The following NBAS variants were observed in gnomAD, a reference collection of about 807,000 sequenced individuals.
NBAS encodes NAG/BC035112 fusion.
In NBAS, 219 loss-of-function variants were observed where a neutral mutation model predicts 302.5. The ratio of observed to expected loss-of-function variants is 0.72; its 90% CI spans 0.65 to 0.81. The LOEUF (loss-of-function observed/expected upper bound fraction) is 0.81. NBAS is among the 30% of genes least tolerant of loss of function. NBAS has a pLI of 0.00. For missense variants in NBAS, 2,932 were observed against 2,841.6 expected, an observed-to-expected ratio of 1.03 and a Z score of -0.72; for synonymous variants, 1,118 against 1,021.6, an observed-to-expected ratio of 1.09 and a Z score of -1.80.
the NBAS span, among the ~76,000 whole-genome samples, chr2:14,991,767 C>A: frequency 6.6e-6 from 1 of 152,218 alleles, no homozygotes; most frequent in Admixed American, 6.5e-5. Context: ...GTATGAGAAT[C>A]TTCAGTTTAA....
chr2:14,869,865 A>G, the NBAS span, among the ~76,000 whole-genome samples: 1 of 152,216 alleles, frequency 6.6e-6, no homozygotes, highest in Admixed American at 6.5e-5. Flanking sequence ...AGGGTCAGTC[A>G]TCACAGCCAG....
At chr2:14,890,502 G>T in the NBAS span, 1 of 152,092 alleles carries the variant, frequency 6.6e-6, no homozygotes, top group Non-Finnish European at 1.5e-5. Flanking sequence ...AAATTATTTT[G>T]CAGAAAGTTG....
the NBAS span, among the ~76,000 whole-genome samples, chr2:14,955,021 G>A: frequency 2.0e-5 from 3 of 152,250 alleles, no homozygotes; most frequent in African/African-American, 4.8e-5. Context: ...CAGAGACAAG[G>A]AGAGTCCCTT....
chr2:14,961,297 A>G, the NBAS span, among the ~76,000 whole-genome samples: 1 of 152,142 alleles, frequency 6.6e-6, no homozygotes, highest in African/African-American at 2.4e-5. Flanking sequence ...TTAAAATTTA[A>G]CCTGCAATAT....
At position 15,234,652 on chromosome 2, in the gene NBAS, C is replaced by G. The variant is rs767259176; in HGVS notation, c.6039G>C (p.Gln2013His). 1.9e-6 allele frequency: 3 copies of G among 1,614,042 alleles called. No individual in the cohort carries two copies. In the Admixed American group the frequency reaches 5.0e-5, roughly 27 times the overall value. The change falls in exon 46 of 52, where the codon CAG becomes CAC. Residue 2013 changes from glutamine to histidine, a missense_variant. Gln to His is a conservative substitution (Grantham distance 24, BLOSUM62 0). Transcript: ENST00000281513. ...GCAGCTGCTGAATCATTGCTAGAGG[C>G]TGACCATCTAAACAAATAGCCACAG... Reference protein sequence around the residue: ...DEAVAICLDGQPLAMIQQLLE... With the variant: ...DEAVAICLDGHPLAMIQQLLE...
At chr2:15,494,934 T>A (rs1681009942) in intron 11 of NBAS, among the ~76,000 whole-genome samples, 1 of 152,168 alleles carries the variant, frequency 6.6e-6, no homozygotes, top group Non-Finnish European at 1.5e-5. Flanking sequence ...CAGACACTCA[T>A]GTGGCATGCT....
chr2:14,997,585 G>C, the NBAS span, among the ~76,000 whole-genome samples: 2 of 151,840 alleles, frequency 1.3e-5, no homozygotes, highest in African/African-American at 4.8e-5. Flanking sequence ...AATCAAGTTT[G>C]TTAACATAGC....
chr2:15,350,256 G>A (rs1242487353), intron 35 of NBAS, among the ~76,000 whole-genome samples: 1 of 151,964 alleles, frequency 6.6e-6, no homozygotes, highest in Admixed American at 6.6e-5. Context: ...AAATACTAAT[G>A]ACTTTGTCAA....
intron 9 of NBAS, among the ~76,000 whole-genome samples, chr2:15,516,775 C>A: frequency 6.7e-6 from 1 of 149,136 alleles, no homozygotes; most frequent in African/African-American, 2.5e-5. Context: ...ACACACAGAA[C>A]TAACAAAGTA....
the NBAS span, among the ~76,000 whole-genome samples, chr2:14,817,699 T>C: frequency 6.6e-6 from 1 of 152,214 alleles, no homozygotes. Flanking sequence ...TTGTGTTAAA[T>C]TTATTCTCCT....
chr2:15,530,490 T>C (rs969002323), intron 9 of NBAS, among the ~76,000 whole-genome samples: 6 of 152,130 alleles, frequency 3.9e-5, no homozygotes, highest in Non-Finnish European at 7.4e-5. Context: ...TAAAATCATA[T>C]GTATCAATAA....
At chr2:15,496,584 G>T (rs1255810578) in intron 11 of NBAS, among the ~76,000 whole-genome samples, 1 of 151,998 alleles carries the variant, frequency 6.6e-6, no homozygotes, top group Non-Finnish European at 1.5e-5. Flanking sequence ...GCTTAGGAAG[G>T]AAGAAAGCAT....
intron 11 of NBAS, among the ~76,000 whole-genome samples, chr2:15,501,003 T>C (rs1661517016): frequency 6.6e-6 from 1 of 150,912 alleles, no homozygotes; most frequent in African/African-American, 2.4e-5. Context: ...TAACATACTC[T>C]TTTAAAAGAT....
At chr2:15,199,498 G>A (rs904254698) in intron 48 of NBAS, among the ~76,000 whole-genome samples, 1 of 152,272 alleles carries the variant, frequency 6.6e-6, no homozygotes, top group South Asian at 2.1e-4. Context: ...GAGATCTCAT[G>A]TAAGTCTCCA....
chr2:15,416,007 A>C (rs887861494), intron 24 of NBAS, among the ~76,000 whole-genome samples: 3 of 152,172 alleles, frequency 2.0e-5, no homozygotes, highest in African/African-American at 7.2e-5. Context: ...GCCTAAGCTC[A>C]GCTCTAGAAA....
the NBAS span, among the ~76,000 whole-genome samples, chr2:14,897,641 A>G: frequency 2.6e-4 from 39 of 151,070 alleles, no homozygotes; most frequent in African/African-American, 9.2e-4. Flanking sequence ...AAGACAGCAC[A>G]CAATATTGGC....
chr2:15,306,492 T>C (rs926662256), intron 40 of NBAS, among the ~76,000 whole-genome samples: 2 of 152,200 alleles, frequency 1.3e-5, no homozygotes, highest in Non-Finnish European at 1.5e-5. Flanking sequence ...TAAACACTGA[T>C]GAATGAAAGC....
chr2:15,296,114 A>T (rs924743756), intron 40 of NBAS, among the ~76,000 whole-genome samples: 10 of 152,196 alleles, frequency 6.6e-5, no homozygotes, highest in Admixed American at 5.2e-4. Flanking sequence ...GAGTTTTGGG[A>T]ACTCCATGGA....
chr2:14,934,792 T>G, the NBAS span, among the ~76,000 whole-genome samples: 1 of 152,170 alleles, frequency 6.6e-6, no homozygotes, highest in African/African-American at 2.4e-5. Flanking sequence ...ACTTGATGGA[T>G]GGTTTGTCTG....
Sources: gnomAD v4.1 joint callset for allele counts (sites outside exome capture counted in the v4.1 genomes callset) on GRCh38, gnomAD v4.1.1 for gene constraint, MANE v1.5 for transcripts, NCBI Gene and HGNC (gene_info 2026-07-23, HGNC 2026-07-21) for gene names.